Variants in SNTB2 observed in about 807,000 individuals in gnomAD.
The protein encoded by SNTB2 is beta-2-syntrophin.
SNTB2 carries 34 observed loss-of-function variants against 46.2 expected under a neutral mutation model. That is an observed-to-expected ratio of 0.74 (90% confidence interval 0.56 to 0.98). SNTB2 has a LOEUF of 0.98. Ranked by LOEUF, SNTB2 falls within the 50% of genes least tolerant of loss-of-function variation. The pLI is 0.00. For missense variants in SNTB2, 603 were observed against 731.4 expected (o/e 0.82, Z 2.02); for synonymous variants, 290 against 312.6 (o/e 0.93, Z 0.76).
chr16:69,211,892 T>C (rs1964291552), intron 1 of SNTB2, among the ~76,000 whole-genome samples: 1 of 152,250 alleles, frequency 6.6e-6, no homozygotes, highest in African/African-American at 2.4e-5. Context: ...GTCTGTATTT[T>C]GGTGGTGATC....
intron 1 of SNTB2, among the ~76,000 whole-genome samples, chr16:69,200,092 T>G (rs538381191): frequency 2.6e-5 from 4 of 152,206 alleles, no homozygotes; most frequent in African/African-American, 9.6e-5. Flanking sequence ...TTTTTTGTAT[T>G]TTTAGTAGAG....
intron 4 of SNTB2, among the ~76,000 whole-genome samples, chr16:69,280,382 C>G (rs1333164608): frequency 6.6e-6 from 1 of 152,236 alleles, no homozygotes; most frequent in African/African-American, 2.4e-5. Flanking sequence ...TTGGGTACAC[C>G]TCCCAGACGG....
At chr16:69,294,690 G>A (rs1965206065) in intron 5 of SNTB2, among the ~76,000 whole-genome samples, 1 of 152,032 alleles carries the variant, frequency 6.6e-6, no homozygotes, top group South Asian at 2.1e-4. Context: ...CCGAGATCAT[G>A]CCACCACACT....
At chr16:69,234,202 G>A (rs75268621) in intron 1 of SNTB2, among the ~76,000 whole-genome samples, 1,662 of 152,236 alleles carry the variant, frequency 0.011, 13 homozygotes, top group Non-Finnish European at 0.018. Flanking sequence ...GTGCTGTGGT[G>A]TGTGCCTGTA....
chr16:69,245,715 G>C lies in SNTB2; in HGVS notation c.694G>C (p.Gly232Arg), dbSNP rs1046194932. The change falls in exon 2 of 7, where the codon GGT (glycine) becomes CGT (arginine). Residue 232 changes from glycine (G) to arginine (R), a missense_variant. Physicochemically the swap from Gly to Arg is moderately radical, Grantham distance 125. Coordinates refer to ENST00000336278, the MANE Select transcript of SNTB2 (RefSeq NM_006750.4). ...AAGCTTTAGTGGCAGTGAGGACTCT[G>C]GTTCGCCAAAACACCAGAACAGCAC... ...SPSFSGSEDSGSPKHQNSTKD... is the reference protein window; with the variant it reads ...SPSFSGSEDSRSPKHQNSTKD... 8.7e-6 allele frequency: 14 copies of C among 1,613,948 alleles called. No homozygotes were observed. Among genetic ancestry groups the C allele is most frequent in the Admixed American group, 3.3e-5 (2 of 59,970 alleles).
chr16:69,281,505 T>TTTTTTTTTTG (rs1965045572), intron 4 of SNTB2, among the ~76,000 whole-genome samples: 1 of 150,124 alleles, frequency 6.7e-6, no homozygotes, highest in Admixed American at 6.6e-5. Context: ...TTTTGTTTTT[T>TTTTTTTTTTG]TTTTTTTACA....
At chr16:69,277,151 G>T (rs1028826987) in intron 4 of SNTB2, among the ~76,000 whole-genome samples, 5 of 152,044 alleles carry the variant, frequency 3.3e-5, no homozygotes, top group African/African-American at 7.3e-5. Context: ...GTGAGACTTG[G>T]GTATTTGTCA....
chr16:69,260,067 C>T lies in SNTB2; in HGVS notation c.812C>T (p.Ser271Phe), dbSNP rs1597190356. 5 of 1,612,516 alleles carry T rather than the reference C, an allele frequency of 3.1e-6. No homozygotes were observed. Among genetic ancestry groups the T allele is most frequent in the Non-Finnish European group, 3.4e-6 (4 of 1,179,026 alleles). The change falls in exon 3 of 7, where the codon TCT becomes TTT. Residue 271 changes from serine to phenylalanine, a missense_variant. Transcript: ENST00000336278. ...DLENRLIELH[S>F]PDSRNTLILR... Reference sequence around the variant, plus strand: ...CCACACAGATTGATAGAGCTACATTCTCCTGATAGCAGGAACACGTTGATC... The same window carrying T: ...CCACACAGATTGATAGAGCTACATTTTCCTGATAGCAGGAACACGTTGATC...
chr16:69,282,148 G>T (rs1360000582), intron 4 of SNTB2, among the ~76,000 whole-genome samples: 5 of 149,286 alleles, frequency 3.3e-5, no homozygotes, highest in Admixed American at 6.6e-5. Context: ...CAAGTGATCC[G>T]CCCGCCTTGG....
At chr16:69,294,642 A>C (rs143262390) in intron 5 of SNTB2, among the ~76,000 whole-genome samples, 3,495 of 151,770 alleles carry the variant, frequency 0.023, 134 homozygotes, top group African/African-American at 0.08. Context: ...CTGAGGCAGG[A>C]GAATCGTTTG....
At chr16:69,230,454 C>T (rs1321896539) in intron 1 of SNTB2, 1 of 151,844 alleles carries the variant, frequency 6.6e-6, no homozygotes, top group Non-Finnish European at 1.5e-5. Context: ...CTCTGCCTCC[C>T]AGGTTCAAGT....
chr16:69,280,324 T>A (rs1442445913), intron 4 of SNTB2, among the ~76,000 whole-genome samples: 3 of 152,220 alleles, frequency 2.0e-5, no homozygotes, highest in Non-Finnish European at 4.4e-5. Context: ...CCCCCCTTTC[T>A]ATTCCACAAA....
intron 2 of SNTB2, among the ~76,000 whole-genome samples, chr16:69,251,554 A>C (rs34306304): frequency 0.023 from 3,516 of 150,696 alleles, 60 homozygotes; most frequent in Middle Eastern, 0.041. Context: ...CGAGGTGGGC[A>C]GATCACCTGA....
chr16:69,285,012 A>C (rs576834942), intron 5 of SNTB2, among the ~76,000 whole-genome samples: 38 of 152,342 alleles, frequency 2.5e-4, no homozygotes, highest in Non-Finnish European at 4.7e-4. Context: ...AATAGGCAGT[A>C]CCATAGAGCT....
intron 1 of SNTB2, among the ~76,000 whole-genome samples, chr16:69,236,025 T>A (rs1439318456): frequency 6.6e-6 from 1 of 152,110 alleles, no homozygotes; most frequent in African/African-American, 2.4e-5. Context: ...TTTGGACACA[T>A]GGAAGTGAAG....
At chr16:69,214,917 C>G (rs1189501876) in intron 1 of SNTB2, among the ~76,000 whole-genome samples, 1 of 152,078 alleles carries the variant, frequency 6.6e-6, no homozygotes, top group African/African-American at 2.4e-5. Flanking sequence ...AGTCTCGATT[C>G]ACTGCAACCT....
chr16:69,221,790 T>A (rs1964407966), intron 1 of SNTB2, among the ~76,000 whole-genome samples: 1 of 152,096 alleles, frequency 6.6e-6, no homozygotes. Flanking sequence ...AAAGGAAATT[T>A]GTTATGTCAG....
At chr16:69,245,907 CA>C (rs1450619209) in intron 2 of SNTB2, 92 bp downstream of exon 2, 1 of 1,258,852 alleles carries the variant, frequency 7.9e-7, no homozygotes, top group African/African-American at 1.5e-5. Flanking sequence ...CTCAGTTATA[CA>C]GAGGAAAACA....
At chr16:69,300,242 G>A (rs538385170) in intron 6 of SNTB2, among the ~76,000 whole-genome samples, 6 of 151,482 alleles carry the variant, frequency 4.0e-5, no homozygotes, top group East Asian at 2.0e-4. Flanking sequence ...TTTTGTTGCC[G>A]TCATTTTTCT....
Sources: allele counts gnomAD v4.1 joint callset (sites outside exome capture counted in the v4.1 genomes callset), GRCh38; gene constraint gnomAD v4.1.1; transcripts MANE v1.5; gene names NCBI Gene and HGNC (gene_info 2026-07-23, HGNC 2026-07-21).